The following WDHD1 variants were observed in gnomAD, a reference collection of about 807,000 sequenced individuals.
WDHD1 encodes the protein WD repeat and HMG-box DNA binding protein 1.
A neutral mutation model predicts 135.4 loss-of-function variants in WDHD1; 111 were observed. The observed-to-expected ratio is 0.82, with a 90% CI of 0.70 to 0.96. The LOEUF (loss-of-function observed/expected upper bound fraction) is 0.96. WDHD1 is among the 40% of genes least tolerant of loss of function. The probability of loss-of-function intolerance (pLI) is 0.00; values close to 1 mark genes in which losing one functional copy is unlikely to be tolerated. For missense variants in WDHD1, 1,351 were observed against 1,336.3 expected, an observed-to-expected ratio of 1.01 and a Z score of -0.17; for synonymous variants, 434 against 439.0, an observed-to-expected ratio of 0.99 and a Z score of 0.14.
chr14:54,957,580 G>A lies in WDHD1; in HGVS notation c.2745+12C>T, dbSNP rs755324832. 2 of 1,588,254 alleles carry A rather than the reference G, an allele frequency of 1.3e-6. No homozygotes were observed. Among genetic ancestry groups the A allele is most frequent in the Non-Finnish European group, 1.7e-6 (2 of 1,170,142 alleles). ...ATTTAAATAATATAAAACATCACTT[G>A]GAAGAGTTTACCTTAAAGGGATTTA... On this transcript the variant is annotated intron_variant, in intron 22 of 25. Transcript: ENST00000360586.
chr14:54,987,125 A>G (rs2041706398), intron 14 of WDHD1, 21 bp downstream of exon 14: 1 of 1,610,850 alleles, frequency 6.2e-7, no homozygotes, highest in Non-Finnish European at 8.5e-7. Flanking sequence ...TTCAAGTCAT[A>G]AAAGACTGAA....
chr14:54,963,996 T>C (rs745720933), intron 18 of WDHD1, among the ~76,000 whole-genome samples: 3 of 152,004 alleles, frequency 2.0e-5, no homozygotes, highest in Non-Finnish European at 4.4e-5. Flanking sequence ...CAGTCTTATC[T>C]ACTCAGGAGC....
At chr14:55,015,356 T>C (rs546051506) in intron 2 of WDHD1, among the ~76,000 whole-genome samples, 15 of 108,324 alleles carry the variant, frequency 1.4e-4, no homozygotes, top group African/African-American at 5.0e-4. Context: ...TACTGTAGCC[T>C]GGGAAACAGC....
intron 24 of WDHD1, among the ~76,000 whole-genome samples, chr14:54,947,658 C>T (rs929363796): frequency 3.3e-4 from 50 of 152,166 alleles, no homozygotes; most frequent in African/African-American, 1.2e-3. Flanking sequence ...GTGGCACAAT[C>T]TTGGCTCATT....
At chr14:55,001,720 C>A (rs1437736881) in intron 8 of WDHD1, among the ~76,000 whole-genome samples, 1 of 152,184 alleles carries the variant, frequency 6.6e-6, no homozygotes, top group Non-Finnish European at 1.5e-5. Flanking sequence ...CTTATGTTTC[C>A]TTAACTGTAA....
rs1229988031 is a variant in WDHD1 at position 54,989,726 on chromosome 14, C to T, written c.1342-514G>A. Among the ~76,000 whole-genome samples the T allele has an allele frequency of 6.0e-5, 9 of 150,614 alleles. 1 individual carries two copies. Among genetic ancestry groups the T allele is most frequent in the Admixed American group, 6.0e-4 (9 of 15,090 alleles). On this transcript the variant is annotated intron_variant, in intron 12 of 25. Transcript: ENST00000360586. Reference sequence around the variant, plus strand: ...CCAAGCTGGAGTGCAGTGGCATGATCTCGGCTCACCGCAACCTCTGCCTCC... The same window carrying T: ...CCAAGCTGGAGTGCAGTGGCATGATTTCGGCTCACCGCAACCTCTGCCTCC...
chr14:54,994,010 C>G (rs2041838204), intron 11 of WDHD1, among the ~76,000 whole-genome samples: 1 of 152,100 alleles, frequency 6.6e-6, no homozygotes, highest in African/African-American at 2.4e-5. Context: ...TAGCACTGCA[C>G]ATTGGCATTT....
chr14:54,963,219 A>C (rs760033927), intron 18 of WDHD1, 47 bp from the exon 19 acceptor site: 2 of 1,476,132 alleles, frequency 1.4e-6, no homozygotes, highest in South Asian at 2.3e-5. Context: ...ACATCAAGTA[A>C]AACTTTTTAA....
intron 24 of WDHD1, among the ~76,000 whole-genome samples, chr14:54,945,806 T>G (rs2040913991): frequency 6.6e-6 from 1 of 152,212 alleles, no homozygotes; most frequent in South Asian, 2.1e-4. Context: ...CCCAAAGTGC[T>G]GGGATTACAG....
Position 55,008,340 on chromosome 14 carries a change from G to A in WDHD1, c.480C>T (p.Val160=), listed in dbSNP as rs1308082726. The A allele has an allele frequency of 6.2e-7, 1 of 1,613,406 alleles. No individual in the cohort carries two copies. Among genetic ancestry groups the A allele is most frequent in the Admixed American group, 1.7e-5 (1 of 59,958 alleles). ...CCTGATCTGAAATTTGCCACACTCT[G>A]ACAGATCCATCACAACTAGCTGATG... ...FLASASCDGS[V]RVWQISDQTC... The change falls in exon 6 of 26, where the codon GTC becomes GTT. Residue 160 remains valine, a synonymous_variant. Coordinates refer to ENST00000360586, the MANE Select transcript of WDHD1 (RefSeq NM_007086.4).
rs2042147616 is a variant in WDHD1, at chr14:55,010,293, T to G, written c.341+16A>C. ...GTTCTAACATTATTTCCTTTTCTGA[T>G]GTCAAAGAGCCTTACCTAGATCCAG... On this transcript the variant is annotated intron_variant, in intron 4 of 25. Transcript: ENST00000360586. The G allele has an allele frequency of 1.9e-6, 3 of 1,559,430 alleles. No individual in the cohort carries two copies. The South Asian group carries it at 3.6e-5, about 19-fold the overall frequency.
chr14:54,956,901 A>T (rs2140160724), intron 23 of WDHD1, 133 bp downstream of exon 23: 2 of 1,166,242 alleles, frequency 1.7e-6, no homozygotes, highest in East Asian at 5.1e-5. Flanking sequence ...CAAAAACAGA[A>T]TTGAACCCAC....
intron 24 of WDHD1, among the ~76,000 whole-genome samples, chr14:54,949,178 A>G (rs527400315): frequency 4.6e-5 from 7 of 152,326 alleles, no homozygotes; most frequent in Admixed American, 1.3e-4. Flanking sequence ...TTGAGAGAAG[A>G]AGGCTTCAGA....
chr14:54,971,924 C>T (rs112595648), intron 16 of WDHD1, among the ~76,000 whole-genome samples: 2 of 152,140 alleles, frequency 1.3e-5, no homozygotes, highest in African/African-American at 4.8e-5. Flanking sequence ...CGGTGGGTCA[C>T]ACCCATAATC....
chr14:54,944,300 T>G, intron 25 of WDHD1, 32 bp downstream of exon 25: 3 of 1,599,140 alleles, frequency 1.9e-6, no homozygotes, highest in Non-Finnish European at 1.7e-6. Context: ...GGGAATTCAC[T>G]AAGATCTCAA....
At chr14:55,004,323 A>G (rs1387597098) in intron 7 of WDHD1, among the ~76,000 whole-genome samples, 2 of 152,214 alleles carry the variant, frequency 1.3e-5, no homozygotes, top group Non-Finnish European at 2.9e-5. Flanking sequence ...GTGTCTATTC[A>G]TAACTCAATA....
chr14:54,954,340 G>C (rs2041115794), intron 24 of WDHD1, among the ~76,000 whole-genome samples: 1 of 152,004 alleles, frequency 6.6e-6, no homozygotes, highest in South Asian at 2.1e-4. Flanking sequence ...CAAGAAAATA[G>C]GTAACATACT....
At position 54,957,182 on chromosome 14, in the gene WDHD1, G is replaced by C. The variant is rs1171809407; in HGVS notation, c.2768C>G (p.Pro923Arg). 1.9e-6 allele frequency: 3 copies of C among 1,613,630 alleles called. No homozygotes were observed. Among genetic ancestry groups the C allele is most frequent in the Non-Finnish European group, 2.5e-6 (3 of 1,179,844 alleles). ...ACGTGCTGAATTCATTGACATGGCT[G>C]GTTCTTTGGAACTGGCTGATACCTA... ...PFKVSASSKE[P>R]AMSMNSARST... Residue 923 changes from proline to arginine, a missense_variant, in exon 23 of 26, where the codon CCA becomes CGA. Coordinates refer to ENST00000360586, the MANE Select transcript of WDHD1 (RefSeq NM_007086.4).
chr14:55,005,223 A>G (rs750608161), intron 7 of WDHD1: 16 of 538,804 alleles, frequency 3.0e-5, no homozygotes, highest in Non-Finnish European at 5.1e-5. Flanking sequence ...GTGTCCACAT[A>G]GCACAGAGGA....
Sources: allele counts gnomAD v4.1 joint callset (sites outside exome capture counted in the v4.1 genomes callset), GRCh38; gene constraint gnomAD v4.1.1; transcripts MANE v1.5; gene names NCBI Gene and HGNC (gene_info 2026-07-23, HGNC 2026-07-21).